The following GPC5 variants were observed in gnomAD, a reference collection of about 807,000 sequenced individuals.
GPC5 encodes the protein glypican-5.
In GPC5, 47 loss-of-function variants were observed where a neutral mutation model predicts 53.9. That is an observed-to-expected ratio of 0.87 (90% CI 0.69 to 1.11). The LOEUF is 1.11. Among genes scored for constraint, GPC5 ranks in the 50% most tolerant of loss-of-function variants. The probability of loss-of-function intolerance (pLI) is 0.00; values close to 1 mark genes in which losing one functional copy is unlikely to be tolerated. For synonymous variants in GPC5, 286 were observed against 263.3 expected, an observed-to-expected ratio of 1.09 and a Z score of -0.84; for missense variants, 748 against 713.1, an observed-to-expected ratio of 1.05 and a Z score of -0.56.
At chr13:91,716,967 T>C (rs953906178) in intron 3 of GPC5, among the ~76,000 whole-genome samples, 2 of 152,238 alleles carry the variant, frequency 1.3e-5, no homozygotes, top group African/African-American at 4.8e-5. Context: ...TGAGAACAAC[T>C]GTAAACACGA....
chr13:92,584,914 C>A (rs1883488574), intron 7 of GPC5, among the ~76,000 whole-genome samples: 1 of 152,076 alleles, frequency 6.6e-6, no homozygotes, highest in African/African-American at 2.4e-5. Flanking sequence ...GTCGAGCCTG[C>A]AGGTGCACAG....
intron 2 of GPC5, among the ~76,000 whole-genome samples, chr13:91,618,557 A>T (rs1433076329): frequency 2.0e-5 from 3 of 152,118 alleles, no homozygotes; most frequent in African/African-American, 7.2e-5. Flanking sequence ...GGACTGCGGA[A>T]TTAGAACCAG....
rs185684683 is a variant in GPC5 at position 92,560,527 on chromosome 13, T to C, written c.1562-305755T>C. Among the ~76,000 whole-genome samples the C allele has an allele frequency of 2.2e-3, 342 of 152,054 alleles. 2 individuals are homozygous for C. The highest frequency in any genetic ancestry group is 7.9e-3 in the African/African-American group (329 of 41,498). ...GTCACATTAATGTTTGCAGTGGAAG[T>C]AGTGAGAGAAGGAGATGGGTAAATG... is the stretch of plus-strand genomic sequence containing the variant. On this transcript the variant is annotated intron_variant, in intron 7 of 7. Coordinates refer to ENST00000377067, the MANE Select transcript of GPC5 (RefSeq NM_004466.6).
chr13:92,159,645 C>T (rs1368981477), intron 7 of GPC5, among the ~76,000 whole-genome samples: 1 of 144,266 alleles, frequency 6.9e-6, no homozygotes. Flanking sequence ...CTCCGTCGCC[C>T]AGGCTGGAGT....
chr13:91,988,023 T>C (rs972737701), intron 6 of GPC5, among the ~76,000 whole-genome samples: 3 of 146,874 alleles, frequency 2.0e-5, no homozygotes, highest in Non-Finnish European at 4.5e-5. Context: ...AAATATACTA[T>C]ATATAGTATT....
intron 7 of GPC5, among the ~76,000 whole-genome samples, chr13:92,775,807 ACAACGGTCTT>A (rs2138754760): frequency 6.6e-6 from 1 of 152,340 alleles, no homozygotes; most frequent in Admixed American, 6.5e-5. Flanking sequence ...ACATTCATTG[ACAACGGTCTT>A]AAATCGGCTT....
At chr13:91,610,559 C>T (rs1041781445) in intron 2 of GPC5, among the ~76,000 whole-genome samples, 1 of 152,166 alleles carries the variant, frequency 6.6e-6, no homozygotes, top group African/African-American at 2.4e-5. Flanking sequence ...ATCAGTGTGT[C>T]TCACTCTGAG....
At chr13:92,387,298 T>C (rs941771262) in intron 7 of GPC5, among the ~76,000 whole-genome samples, 1 of 152,070 alleles carries the variant, frequency 6.6e-6, no homozygotes, top group Non-Finnish European at 1.5e-5. Flanking sequence ...TGTAGGGTAA[T>C]GTAGATGTTG....
intron 4 of GPC5, among the ~76,000 whole-genome samples, chr13:91,736,453 C>A (rs999157959): frequency 1.3e-5 from 2 of 151,196 alleles, no homozygotes; most frequent in African/African-American, 4.9e-5. Context: ...TTTGCCATCT[C>A]ATATGCTGAA....
At chr13:91,639,464 T>C (rs1390223232) in intron 2 of GPC5, among the ~76,000 whole-genome samples, 2 of 152,234 alleles carry the variant, frequency 1.3e-5, no homozygotes, top group African/African-American at 4.8e-5. Context: ...ACCCCCATGG[T>C]AACCAGATAT....
chr13:92,698,235 A>G (rs1253953093), intron 7 of GPC5, among the ~76,000 whole-genome samples: 1 of 152,078 alleles, frequency 6.6e-6, no homozygotes, highest in East Asian at 1.9e-4. Flanking sequence ...TTACATATGT[A>G]TACATGTGCC....
intron 2 of GPC5, among the ~76,000 whole-genome samples, chr13:91,655,881 C>T (rs948564865): frequency 6.6e-6 from 1 of 152,128 alleles, no homozygotes; most frequent in East Asian, 1.9e-4. Context: ...AGGAATCTCT[C>T]TTATGGGGTG....
At chr13:92,491,329 G>A (rs1879753065) in intron 7 of GPC5, among the ~76,000 whole-genome samples, 1 of 152,024 alleles carries the variant, frequency 6.6e-6, no homozygotes, top group South Asian at 2.1e-4. Context: ...TAAAGAAAAG[G>A]AAGAACCAGA....
chr13:92,050,879 T>G (rs1381508878), intron 6 of GPC5, among the ~76,000 whole-genome samples: 1 of 152,220 alleles, frequency 6.6e-6, no homozygotes, highest in Non-Finnish European at 1.5e-5. Flanking sequence ...ATGCCGTTTT[T>G]CTCTTGGAGT....
At chr13:92,605,671 G>A (rs1281741405) in intron 7 of GPC5, among the ~76,000 whole-genome samples, 1 of 149,384 alleles carries the variant, frequency 6.7e-6, no homozygotes, top group Non-Finnish European at 1.5e-5. Context: ...CTCACTGCAA[G>A]CTCCGCTTCC....
Position 92,630,273 on chromosome 13 carries a change from A to G in GPC5, c.1562-236009A>G, listed in dbSNP as rs1401728320. On this transcript the variant is annotated intron_variant, in intron 7 of 7. Transcript: ENST00000377067. ...AAGTAACAGATGTGGTAATAATACC[A>G]AGGCAGAAAATGGAACAGAAAGAAT... 2.6e-5 allele frequency among the ~76,000 whole-genome samples: 4 copies of G among 152,286 alleles called. No homozygotes were observed. The South Asian group carries it at 6.2e-4, about 24-fold the overall frequency.
At chr13:92,710,739 C>T (rs1400569638) in intron 7 of GPC5, among the ~76,000 whole-genome samples, 1 of 152,128 alleles carries the variant, frequency 6.6e-6, no homozygotes, top group Non-Finnish European at 1.5e-5. Context: ...TTTTAATGAG[C>T]TCTTGGGAGA....
At chr13:92,214,172 A>C (rs1241097791) in intron 7 of GPC5, among the ~76,000 whole-genome samples, 1 of 152,156 alleles carries the variant, frequency 6.6e-6, no homozygotes, top group Non-Finnish European at 1.5e-5. Context: ...TTCACGTGAA[A>C]ATCAAGGACT....
chr13:92,284,159 G>T (rs1042316551), intron 7 of GPC5, among the ~76,000 whole-genome samples: 2 of 152,114 alleles, frequency 1.3e-5, no homozygotes, highest in African/African-American at 4.8e-5. Flanking sequence ...CAAATTCTTG[G>T]ACACATACAC....
Sources: gnomAD v4.1 joint callset for allele counts (sites outside exome capture counted in the v4.1 genomes callset) on GRCh38, gnomAD v4.1.1 for gene constraint, MANE v1.5 for transcripts, NCBI Gene and HGNC (gene_info 2026-07-23, HGNC 2026-07-21) for gene names.